Variants in KIAA0825 observed in about 807,000 individuals in gnomAD.
The protein encoded by KIAA0825 is KIAA0825, also known as uncharacterized protein KIAA0825.
A neutral mutation model predicts 147.6 loss-of-function variants in KIAA0825; 119 were observed. The ratio of observed to expected loss-of-function variants is 0.81; its 90% CI spans 0.69 to 0.94. KIAA0825 has a LOEUF of 0.94. Among genes scored for constraint, KIAA0825 ranks in the 40% least tolerant of loss-of-function variants. The probability of loss-of-function intolerance (pLI) is 0.00; values close to 1 mark genes in which losing one functional copy is unlikely to be tolerated. For missense variants in KIAA0825, 1,381 were observed against 1,472.7 expected, an observed-to-expected ratio of 0.94 and a Z score of 1.02; for synonymous variants, 470 against 518.1, an observed-to-expected ratio of 0.91 and a Z score of 1.26.
At chr5:94,199,542 C>T (rs1308869939) in intron 20 of KIAA0825, among the ~76,000 whole-genome samples, 1 of 152,076 alleles carries the variant, frequency 6.6e-6, no homozygotes, top group East Asian at 1.9e-4. Context: ...TAACTGCATA[C>T]TGACAGAGTG....
intron 10 of KIAA0825, among the ~76,000 whole-genome samples, chr5:94,468,997 T>C (rs541636465): frequency 1.3e-5 from 2 of 152,292 alleles, no homozygotes; most frequent in African/African-American, 4.8e-5. Context: ...ATTTCAAATA[T>C]TGTGGTCTGC....
Position 94,152,858 on chromosome 5 carries a change from ATATAT to A in KIAA0825, c.*1144_*1148del, listed in dbSNP as rs1766657122. On this transcript the variant is annotated 3_prime_UTR_variant, in exon 21 of 21. Coordinates refer to ENST00000682413, the MANE Select transcript of KIAA0825 (RefSeq NM_001145678.3). ...AAAAAAAAAAAAAAAAAAAAAAATTATATATATATATATATATATATATATATATA... is the reference window on the plus strand; with the variant it reads ...AAAAAAAAAAAAAAAAAAAAAAATTAATATATATATATATATATATATATA... The A allele has an allele frequency of 1.0e-3, 3 of 2,880 alleles. No homozygotes were observed. Among genetic ancestry groups the A allele is most frequent in the Non-Finnish European group, 2.1e-3 (3 of 1,424 alleles). 0.2% of individuals were successfully genotyped at this position (2,880 alleles called of 1,614,324 possible).
intron 1 of KIAA0825, among the ~76,000 whole-genome samples, chr5:94,586,991 A>G (rs1783428324): frequency 6.6e-6 from 1 of 152,198 alleles, no homozygotes; most frequent in African/African-American, 2.4e-5. Flanking sequence ...AAAATTCAAC[A>G]ACCTTTCATG....
At chr5:94,297,638 C>T (rs538761702) in intron 20 of KIAA0825, among the ~76,000 whole-genome samples, 11 of 152,010 alleles carry the variant, frequency 7.2e-5, no homozygotes, top group South Asian at 2.1e-4. Context: ...ATCTGTCGCC[C>T]GGGCTAGAGT....
intron 20 of KIAA0825, among the ~76,000 whole-genome samples, chr5:94,269,612 C>G (rs1056050175): frequency 6.6e-6 from 1 of 151,712 alleles, no homozygotes; most frequent in Non-Finnish European, 1.5e-5. Context: ...TTTCTTGAAA[C>G]AAATGAAAAT....
At chr5:94,475,974 G>C (rs1367778526) in intron 7 of KIAA0825, among the ~76,000 whole-genome samples, 3 of 152,262 alleles carry the variant, frequency 2.0e-5, no homozygotes, top group South Asian at 2.1e-4. Context: ...CTTACTAGTT[G>C]TTCCAAGAAA....
Position 94,325,456 on chromosome 5 carries a change from T to A in KIAA0825, c.3710+58912A>T, listed in dbSNP as rs1167404357. On this transcript the variant is annotated intron_variant, in intron 20 of 20. Coordinates refer to ENST00000682413, the MANE Select transcript of KIAA0825 (RefSeq NM_001145678.3). ...CTCTCTATAAAGAAATTCATATTCATCATTTAAATTTTCCCATGGATGTGA... is the reference window on the plus strand; with the variant it reads ...CTCTCTATAAAGAAATTCATATTCAACATTTAAATTTTCCCATGGATGTGA... 3.3e-5 allele frequency among the ~76,000 whole-genome samples: 5 copies of A among 151,956 alleles called. No individual in the cohort carries two copies. The East Asian group carries it at 9.6e-4, about 29-fold the overall frequency.
intron 7 of KIAA0825, among the ~76,000 whole-genome samples, 197 bp from the exon 8 acceptor site, chr5:94,473,716 C>T (rs1411516937): frequency 6.6e-6 from 1 of 152,144 alleles, no homozygotes; most frequent in Non-Finnish European, 1.5e-5. Flanking sequence ...ATTCTTTACA[C>T]ACAGTAATAT....
rs144320412 is a variant in KIAA0825 at position 94,362,330 on chromosome 5, G to C, written c.3710+22038C>G. Among the ~76,000 whole-genome samples the C allele has an allele frequency of 6.3e-4, 96 of 152,330 alleles. No individual in the cohort carries two copies. The Middle Eastern group carries it at 0.014, about 22-fold the overall frequency. ...CCACCCCTTACTCAGTTTGGCATCT[G>C]ACTTTGTCCTAAGTAGGGTAACATT... On this transcript the variant is annotated intron_variant, in intron 20 of 20. Transcript: ENST00000682413.
At chr5:94,438,123 T>C (rs1001144807) in intron 14 of KIAA0825, among the ~76,000 whole-genome samples, 2 of 152,146 alleles carry the variant, frequency 1.3e-5, no homozygotes, top group African/African-American at 4.8e-5. Flanking sequence ...AGGGTTTAAT[T>C]TGCATGAGTA....
intron 1 of KIAA0825, among the ~76,000 whole-genome samples, chr5:94,600,639 C>T (rs1056020587): frequency 2.6e-5 from 4 of 152,172 alleles, no homozygotes; most frequent in Admixed American, 6.5e-5. Context: ...TCTGCCATCA[C>T]TGATTCACTT....
At chr5:94,353,091 A>C in intron 20 of KIAA0825, among the ~76,000 whole-genome samples, 1 of 152,202 alleles carries the variant, frequency 6.6e-6, no homozygotes, top group East Asian at 1.9e-4. Context: ...AAATAAAATA[A>C]ATAAAAATCT....
chr5:94,295,556 A>T (rs1778097254), intron 20 of KIAA0825, among the ~76,000 whole-genome samples: 2 of 152,060 alleles, frequency 1.3e-5, no homozygotes, highest in African/African-American at 4.8e-5. Context: ...ATCTTCATGG[A>T]TTTATCTACC....
chr5:94,609,646 A>T (rs1788313603), intron 1 of KIAA0825, among the ~76,000 whole-genome samples: 1 of 152,126 alleles, frequency 6.6e-6, no homozygotes, highest in Non-Finnish European at 1.5e-5. Context: ...GCAGCACTAA[A>T]AGATACCAGA....
chr5:94,540,923 A>G (rs1773170409), intron 2 of KIAA0825, among the ~76,000 whole-genome samples: 1 of 152,208 alleles, frequency 6.6e-6, no homozygotes, highest in Admixed American at 6.5e-5. Flanking sequence ...AAGGTTATGA[A>G]GAAAAGAAAT....
chr5:94,376,825 C>T (rs575061891), intron 20 of KIAA0825, among the ~76,000 whole-genome samples: 22 of 152,290 alleles, frequency 1.4e-4, no homozygotes, highest in African/African-American at 5.1e-4. Flanking sequence ...TATGTAATGA[C>T]TAAGAGGTGT....
At chr5:94,157,918 C>T (rs1195138078) in intron 20 of KIAA0825, among the ~76,000 whole-genome samples, 2 of 152,070 alleles carry the variant, frequency 1.3e-5, no homozygotes, top group East Asian at 1.9e-4. Flanking sequence ...TCTTGGGTGG[C>T]CTGTACTGCA....
intron 14 of KIAA0825, among the ~76,000 whole-genome samples, chr5:94,432,336 G>T (rs1450812348): frequency 6.6e-6 from 1 of 152,102 alleles, no homozygotes; most frequent in East Asian, 1.9e-4. Flanking sequence ...AGATCCCCAG[G>T]TAATATGTTT....
chr5:94,429,544 T>C (rs1755375886), intron 14 of KIAA0825, among the ~76,000 whole-genome samples: 1 of 152,194 alleles, frequency 6.6e-6, no homozygotes, highest in Non-Finnish European at 1.5e-5. Flanking sequence ...AGGCAAAAAC[T>C]GTCTGTGGTC....
Sources: allele counts gnomAD v4.1 joint callset (sites outside exome capture counted in the v4.1 genomes callset), GRCh38; gene constraint gnomAD v4.1.1; transcripts MANE v1.5; gene names NCBI Gene and HGNC (gene_info 2026-07-23, HGNC 2026-07-21).